The following QTMAN variants were observed in gnomAD, a reference collection of about 807,000 sequenced individuals.
The protein encoded by QTMAN is tRNA-queuosine alpha-mannosyltransferase.
chr2:144,182,541 G>C, the QTMAN span, among the ~76,000 whole-genome samples: 1 of 150,124 alleles, frequency 6.7e-6, no homozygotes, highest in Non-Finnish European at 1.5e-5. Context: ...CTACTTGGGA[G>C]GCTGAGGCAG....
At chr2:144,043,292 ATG>A in the QTMAN span, among the ~76,000 whole-genome samples, 1 of 151,758 alleles carries the variant, frequency 6.6e-6, no homozygotes. Flanking sequence ...ATATATATAT[ATG>A]TGTTGGGAAA....
the QTMAN span, among the ~76,000 whole-genome samples, chr2:144,238,356 T>C: frequency 6.6e-6 from 1 of 152,198 alleles, no homozygotes; most frequent in Non-Finnish European, 1.5e-5. Context: ...AAGTAGCAAA[T>C]GGCAGTGGAG....
chr2:144,175,367 T>A, the QTMAN span, among the ~76,000 whole-genome samples: 1 of 152,052 alleles, frequency 6.6e-6, no homozygotes, highest in African/African-American at 2.4e-5. Flanking sequence ...AAAAGAACTA[T>A]ACTTAGACAC....
the QTMAN span, among the ~76,000 whole-genome samples, chr2:144,245,553 C>T: frequency 6.6e-6 from 1 of 152,120 alleles, no homozygotes; most frequent in Non-Finnish European, 1.5e-5. Flanking sequence ...TAGGAAATGA[C>T]AATATAAGAT....
chr2:144,064,164 G>A, the QTMAN span, among the ~76,000 whole-genome samples: 4 of 152,156 alleles, frequency 2.6e-5, no homozygotes, highest in African/African-American at 4.8e-5. Context: ...CAAAGCCACA[G>A]TGAACAGGAA....
chr2:143,980,762 C>T, the QTMAN span, among the ~76,000 whole-genome samples: 2 of 152,228 alleles, frequency 1.3e-5, no homozygotes, highest in Non-Finnish European at 2.9e-5. Context: ...CTTAACATCG[C>T]TGAGCTTACG....
the QTMAN span, among the ~76,000 whole-genome samples, chr2:144,013,294 A>T: frequency 6.6e-6 from 1 of 152,046 alleles, no homozygotes; most frequent in Admixed American, 6.6e-5. Context: ...AAACCTGTCC[A>T]CCTCCTCCTC....
At chr2:144,211,066 A>C in the QTMAN span, 1 of 152,198 alleles carries the variant, frequency 6.6e-6, no homozygotes, top group Non-Finnish European at 1.5e-5. Context: ...CTGATTCTTC[A>C]TCATCTTGTC....
At chr2:144,120,253 C>T in the QTMAN span, among the ~76,000 whole-genome samples, 1 of 152,178 alleles carries the variant, frequency 6.6e-6, no homozygotes, top group Non-Finnish European at 1.5e-5. Context: ...ACCCACCTCA[C>T]TTGCTGAGCC....
the QTMAN span, among the ~76,000 whole-genome samples, chr2:144,246,280 A>T: frequency 6.6e-6 from 1 of 152,214 alleles, no homozygotes; most frequent in East Asian, 1.9e-4. Context: ...ATGCCTAGAA[A>T]ACAAATTTAA....
chr2:144,093,676 T>A, the QTMAN span, among the ~76,000 whole-genome samples: 5 of 152,212 alleles, frequency 3.3e-5, no homozygotes, highest in African/African-American at 9.6e-5. Context: ...ATAAGTTACA[T>A]GGACCTGAAA....
the QTMAN span, chr2:143,942,004 T>A: frequency 6.3e-6 from 1 of 159,090 alleles, no homozygotes; most frequent in African/African-American, 2.4e-5. Flanking sequence ...GACATTAAAT[T>A]TTCAGATCTA....
the QTMAN span, among the ~76,000 whole-genome samples, chr2:144,023,228 T>A: frequency 6.6e-6 from 1 of 152,132 alleles, no homozygotes; most frequent in Non-Finnish European, 1.5e-5. Context: ...TTACTCAGCA[T>A]GACTTGGAAG....
At chr2:144,190,888 T>C in the QTMAN span, among the ~76,000 whole-genome samples, 2 of 152,212 alleles carry the variant, frequency 1.3e-5, no homozygotes, top group Non-Finnish European at 2.9e-5. Context: ...ATTTGCATCA[T>C]TGGCAAGTCA....
chr2:143,959,566 A>G, the QTMAN span, among the ~76,000 whole-genome samples: 5 of 152,228 alleles, frequency 3.3e-5, no homozygotes, highest in East Asian at 9.6e-4. Flanking sequence ...AGCATTCAAT[A>G]AACAGCAATT....
chr2:144,251,847 G>A, the QTMAN span, among the ~76,000 whole-genome samples: 1 of 152,178 alleles, frequency 6.6e-6, no homozygotes, highest in Non-Finnish European at 1.5e-5. Context: ...AGGACTGTTA[G>A]CTAAAATATA....
the QTMAN span, among the ~76,000 whole-genome samples, chr2:143,967,271 A>G: frequency 6.6e-6 from 1 of 152,102 alleles, no homozygotes; most frequent in Non-Finnish European, 1.5e-5. Flanking sequence ...AGAGAACCAT[A>G]TCCCTACAAA....
the QTMAN span, among the ~76,000 whole-genome samples, chr2:144,298,007 TAGA>T: frequency 6.6e-6 from 1 of 151,808 alleles, no homozygotes; most frequent in Non-Finnish European, 1.5e-5. Flanking sequence ...TACGACTACA[TAGA>T]AGAATATTTT....
At chr2:144,200,498 C>A in the QTMAN span, among the ~76,000 whole-genome samples, 1 of 152,068 alleles carries the variant, frequency 6.6e-6, no homozygotes, top group Non-Finnish European at 1.5e-5. Context: ...ATAAAATACA[C>A]GAACAATAAC....
Sources: allele counts gnomAD v4.1 joint callset (sites outside exome capture counted in the v4.1 genomes callset), GRCh38; gene constraint gnomAD v4.1.1; transcripts MANE v1.5; gene names NCBI Gene and HGNC (gene_info 2026-07-23, HGNC 2026-07-21).